SLC30A1: variants seen among roughly 807,000 people sequenced by gnomAD.
SLC30A1 encodes the protein proton-coupled zinc antiporter SLC30A1.
In SLC30A1, 7 loss-of-function variants were observed where a neutral mutation model predicts 29.8. The observed-to-expected ratio is 0.23, with a 90% CI of 0.13 to 0.44. The LOEUF (loss-of-function observed/expected upper bound fraction) is 0.44, where lower values mean the gene tolerates loss of function less well. Among genes scored for constraint, SLC30A1 ranks in the 20% least tolerant of loss-of-function variants. SLC30A1 has a pLI of 1.00. For synonymous variants in SLC30A1, 254 were observed against 253.5 expected, an observed-to-expected ratio of 1.00 and a Z score of -0.02; for missense variants, 446 against 647.9, an observed-to-expected ratio of 0.69 and a Z score of 3.38.
rs1706703030 is a variant in SLC30A1, at chr1:211,575,168, C to G, written c.*220G>C. On this transcript the variant is annotated 3_prime_UTR_variant, in exon 2 of 2. Transcript: ENST00000367001. This position sits in a 1 kb window ranked among gnomAD's most constrained non-coding sequence, Gnocchi z 6.0. ...GTAACATAGTGTTAAAACTGGCTTT[C>G]CAAAACAGTCACAGCATAGCTGTAC... 4.9e-6 allele frequency: 2 copies of G among 405,926 alleles called. No individual in the cohort carries two copies. Among genetic ancestry groups the G allele is most frequent in the Non-Finnish European group, 8.7e-6 (2 of 229,218 alleles). The allele number at this position is 405,926 out of a possible 1,614,324, so 25.1% of individuals were successfully genotyped here.
chr1:211,578,432 C>A lies in SLC30A1; in HGVS notation c.181G>T (p.Ala61Ser). The A allele has an allele frequency of 6.2e-7, 1 of 1,612,228 alleles. No homozygotes were observed. Among genetic ancestry groups the A allele is most frequent in the South Asian group, 1.1e-5 (1 of 90,918 alleles). The change falls in exon 1 of 2, where the codon GCC (alanine) becomes TCC (serine). Residue 61 changes from alanine to serine, a missense_variant. This residue lies in a region of SLC30A1 where 62 missense variants were observed against 91.5 expected (regional missense o/e 0.68). Coordinates refer to ENST00000367001, the MANE Select transcript of SLC30A1 (RefSeq NM_021194.3). ...TTCTGGGTGGCGTGGGTCCGCCGGG[C>A]GAAGCGCTCGGCCACCAGCGCCACC... ...LVVALVAERFARRTHATQKNT... is the reference protein window; with the variant it reads ...LVVALVAERFSRRTHATQKNT...
At chr1:211,576,898 CAAAAGTATTGATCTTTTCA>C (rs1463436439) in intron 1 of SLC30A1, among the ~76,000 whole-genome samples, 6 of 151,970 alleles carry the variant, frequency 3.9e-5, no homozygotes, top group Non-Finnish European at 8.8e-5. Flanking sequence ...ACTTTTAAAT[CAAAAGTATTGATCTTTTCA>C]AAAAGTATTG....
chr1:211,576,695 G>C (rs575656814), intron 1 of SLC30A1, among the ~76,000 whole-genome samples: 4 of 152,026 alleles, frequency 2.6e-5, no homozygotes, highest in African/African-American at 9.7e-5. Context: ...TTTGACACTC[G>C]GGCACTCTCT....
Position 211,572,681 on chromosome 1 carries a change from T to C in SLC30A1, c.*2707A>G, listed in dbSNP as rs1426250518. On this transcript the variant is annotated 3_prime_UTR_variant, in exon 2 of 2. Coordinates refer to ENST00000367001, the MANE Select transcript of SLC30A1 (RefSeq NM_021194.3). The stretch of plus-strand genomic sequence containing the variant: ...CAAAGTTTTTGAGGATTCTGTTTTT[T>C]AGGTTTTAGTCCATAGTTTTACAAT... The C allele has an allele frequency of 2.0e-5, 3 of 152,162 alleles. No individual in the cohort carries two copies. Among genetic ancestry groups the C allele is most frequent in the African/African-American group, 7.2e-5 (3 of 41,470 alleles). 9.4% of individuals were successfully genotyped at this position (152,162 alleles called of 1,614,324 possible).
At position 211,574,070 on chromosome 1, in the gene SLC30A1, A is replaced by G. The variant is rs1298600871; in HGVS notation, c.*1318T>C. On this transcript the variant is annotated 3_prime_UTR_variant, in exon 2 of 2. Transcript: ENST00000367001. ...ATAGAGCTATACATAACTGATGCTA[A>G]TATTAATCCTTTCAAGGACAAAAAT... 6.6e-6 allele frequency: 1 copy of G among 152,512 alleles called. No individual in the cohort carries two copies. The highest frequency in any genetic ancestry group is 1.5e-5 in the Non-Finnish European group (1 of 67,914). 9.4% of individuals were successfully genotyped at this position (152,512 alleles called of 1,614,324 possible). A position where few individuals can be genotyped will look rare whatever the true frequency, so the allele number is the denominator to read the frequency against.
Position 211,575,356 on chromosome 1 carries a change from G to A in SLC30A1, c.*32C>T, listed in dbSNP as rs749534869. 2.6e-6 allele frequency: 4 copies of A among 1,530,482 alleles called. No individual in the cohort carries two copies. Among genetic ancestry groups the A allele is most frequent in the South Asian group, 2.6e-5 (2 of 76,266 alleles). The allele number at this position is 1,530,482 out of a possible 1,614,324, so 94.8% of individuals were successfully genotyped here. On this transcript the variant is annotated 3_prime_UTR_variant, in exon 2 of 2. Coordinates refer to ENST00000367001, the MANE Select transcript of SLC30A1 (RefSeq NM_021194.3). The surrounding 1 kb of genome is among the most constrained non-coding windows in gnomAD (Gnocchi z 6.0). The stretch of plus-strand genomic sequence containing the variant: ...AGTCTTTTTCCTCTTGCAGTTTAAA[G>A]CAAAAGTCAAATATCACATCTTTTT...
In SLC30A1 at chr1:211,577,889, C is replaced by G. The variant is rs1047535812; in HGVS notation, c.622+102G>C. ...AGGCAGGGGCGGCGCGGCGCAGGCC[C>G]GCTCGGGCAGCAGGGGGCGTGCGGG... On this transcript the variant is annotated intron_variant, in intron 1 of 1. Coordinates refer to ENST00000367001, the MANE Select transcript of SLC30A1 (RefSeq NM_021194.3). This position sits in a 1 kb window ranked among gnomAD's most constrained non-coding sequence, Gnocchi z 4.5. The G allele has an allele frequency of 2.3e-5, 35 of 1,492,628 alleles. No individual in the cohort carries two copies. The African/African-American group carries it at 4.1e-4, about 18-fold the overall frequency. 92.5% of individuals were successfully genotyped at this position (1,492,628 alleles called of 1,614,324 possible).
Position 211,578,057 on chromosome 1 carries a change from G to C in SLC30A1, c.556C>G (p.Gln186Glu). Reference sequence around the variant, plus strand: ...GCCACCAGGGTGTTGGTCTCCTCCTGGTCGGGACCCTGCTCGCCCGGGGCC... The same window carrying C: ...GCCACCAGGGTGTTGGTCTCCTCCTCGTCGGGACCCTGCTCGCCCGGGGCC... ...NVAPGEQGPD[Q>E]EETNTLVANT... The change falls in exon 1 of 2, where the codon CAG (glutamine) becomes GAG (glutamate). Residue 186 changes from glutamine to glutamate, a missense_variant. Around this residue, in one of 5 missense-constraint regions of SLC30A1, gnomAD observed 159 missense variants for 161.1 expected, o/e 0.99. Coordinates refer to ENST00000367001, the MANE Select transcript of SLC30A1 (RefSeq NM_021194.3). 6.2e-7 allele frequency: 1 copy of C among 1,613,140 alleles called. No homozygotes were observed. The highest frequency in any genetic ancestry group is 8.5e-7 in the Non-Finnish European group (1 of 1,179,818).
In SLC30A1 at chr1:211,576,126, T is replaced by C; in HGVS notation, c.786A>G (p.Val262=). 6.2e-7 allele frequency: 1 copy of C among 1,614,070 alleles called. No individual in the cohort carries two copies. Among genetic ancestry groups the C allele is most frequent in the Non-Finnish European group, 8.5e-7 (1 of 1,180,006 alleles). The stretch of plus-strand genomic sequence containing the variant: ...AGTAAAAGACTAAGGCATTTACTAC[T>C]ACAATCACTGAACCCAAGGCATCTC... ...VLGDALGSVI[V]VVNALVFYFS... is the part of the protein sequence containing the mutation. Residue 262 remains valine (V), a synonymous_variant, in exon 2 of 2, where the codon GTA becomes GTG. Coordinates refer to ENST00000367001, the MANE Select transcript of SLC30A1 (RefSeq NM_021194.3).
chr1:211,576,941 A>G (rs958465838), intron 1 of SLC30A1, among the ~76,000 whole-genome samples: 1 of 152,212 alleles, frequency 6.6e-6, no homozygotes, highest in Non-Finnish European at 1.5e-5. Context: ...AAAAGTATTC[A>G]AAAAGATAAA....
In SLC30A1 at chr1:211,577,995, G is replaced by T. The variant is rs375160965; in HGVS notation, c.618C>A (p.Pro206=). Reference sequence around the variant, plus strand: ...GCAGCGACTTTCCCGGCTCACCTGCGGGGTCCAATTTCAGCCCGTTGGAGT... The same window carrying T: ...GCAGCGACTTTCCCGGCTCACCTGCTGGGTCCAATTTCAGCCCGTTGGAGT... ...TSNSNGLKLD[P]ADPENPRSGD... Residue 206 remains proline, a synonymous_variant, in exon 1 of 2, where the codon CCC becomes CCA. Transcript: ENST00000367001. The surrounding 1 kb of genome is among the most constrained non-coding windows in gnomAD (Gnocchi z 4.5). 3.7e-6 allele frequency: 6 copies of T among 1,612,796 alleles called. No individual in the cohort carries two copies. Among genetic ancestry groups the T allele is most frequent in the Non-Finnish European group, 4.2e-6 (5 of 1,179,780 alleles).
rs750440568 is a variant in SLC30A1 at position 211,573,292 on chromosome 1, C to A, written c.*2096G>T. The A allele has an allele frequency of 5.3e-5, 8 of 151,974 alleles. No individual in the cohort carries two copies. The highest frequency in any genetic ancestry group is 3.3e-4 in the Admixed American group (5 of 15,270). The allele number at this position is 151,974 out of a possible 1,614,324, so 9.4% of individuals were successfully genotyped here. On this transcript the variant is annotated 3_prime_UTR_variant, in exon 2 of 2. Coordinates refer to ENST00000367001, the MANE Select transcript of SLC30A1 (RefSeq NM_021194.3). ...TTATGAAAAGTGAAATAACTCAAAC[C>A]TAAAGGCTGTTATCTTCAAAGCACT...
chr1:211,576,193 G>C lies in SLC30A1; in HGVS notation c.719C>G (p.Ala240Gly). ...AACTCCACGCATGTTAAGTTGTCCA[G>C]CCCTATCTTCTTCCAGTTCCATATG... The part of the protein sequence containing the change: ...PDHMELEEDR[A>G]GQLNMRGVFL... The change falls in exon 2 of 2, where the codon GCT becomes GGT. Residue 240 changes from alanine to glycine, a missense_variant. By Grantham distance (60) the Ala-to-Gly change is moderately conservative. Transcript: ENST00000367001. 6.2e-7 allele frequency: 1 copy of C among 1,613,580 alleles called. No individual in the cohort carries two copies. The highest frequency in any genetic ancestry group is 8.5e-7 in the Non-Finnish European group (1 of 1,179,894).
At position 211,572,727 on chromosome 1, in the gene SLC30A1, A is replaced by T. The variant is rs1706667861; in HGVS notation, c.*2661T>A. 1 of 152,130 alleles carries T rather than the reference A, an allele frequency of 6.6e-6. No homozygotes were observed. Among genetic ancestry groups the T allele is most frequent in the Non-Finnish European group, 1.5e-5 (1 of 67,960 alleles). 9.4% of individuals were successfully genotyped at this position (152,130 alleles called of 1,614,324 possible). On this transcript the variant is annotated 3_prime_UTR_variant, in exon 2 of 2. Transcript: ENST00000367001. The stretch of plus-strand genomic sequence containing the variant: ...ACAATGCAGACATCCTTCAGAAAAA[A>T]CTAAGCAATCATAAAAGCTAAAAGG...
Position 211,578,088 on chromosome 1 carries a change from G to A in SLC30A1, c.525C>T (p.Ile175=), listed in dbSNP as rs1706744162. 6.2e-7 allele frequency: 1 copy of A among 1,611,892 alleles called. No homozygotes were observed. Among genetic ancestry groups the A allele is most frequent in the Non-Finnish European group, 8.5e-7 (1 of 1,179,396 alleles). The change falls in exon 1 of 2, where the codon ATC becomes ATT. Residue 175 remains isoleucine, a synonymous_variant. Transcript: ENST00000367001. Reference sequence around the variant, plus strand: ...GACCCTGCTCGCCCGGGGCCACGTTGATGTCGCTGCTCCCGGGGCGGGTGC... The same window carrying A: ...GACCCTGCTCGCCCGGGGCCACGTTAATGTCGCTGCTCCCGGGGCGGGTGC... The part of the protein sequence containing the change: ...VKSTRPGSSD[I]NVAPGEQGPD...
rs978619308 is a variant in SLC30A1 at position 211,579,062 on chromosome 1, G to C, written c.-450C>G. 6.6e-6 allele frequency among the ~76,000 whole-genome samples: 1 copy of C among 152,224 alleles called. No homozygotes were observed. Among genetic ancestry groups the C allele is most frequent in the African/African-American group, 2.4e-5 (1 of 41,452 alleles). On this transcript the variant is annotated 5_prime_UTR_variant, in exon 1 of 2. Coordinates refer to ENST00000367001, the MANE Select transcript of SLC30A1 (RefSeq NM_021194.3). The stretch of plus-strand genomic sequence containing the variant: ...GAGCATCTGAGGGCTCTGCTTGCTG[G>C]TCTCCTCTGCGGCGGCTGGACTGAG...
At position 211,577,848 on chromosome 1, in the gene SLC30A1, A is replaced by T. The variant is rs1443001721; in HGVS notation, c.622+143T>A. Reference sequence around the variant, plus strand: ...CCTGGAGCAGCAGCGGGGCGTGTGCAGGACGGGGAGGGAGCAGGCAGGGGC... The same window carrying T: ...CCTGGAGCAGCAGCGGGGCGTGTGCTGGACGGGGAGGGAGCAGGCAGGGGC... On this transcript the variant is annotated intron_variant, in intron 1 of 1. Transcript: ENST00000367001. This position sits in a 1 kb window ranked among gnomAD's most constrained non-coding sequence, Gnocchi z 4.5. 28 of 1,109,876 alleles carry T rather than the reference A, an allele frequency of 2.5e-5. No individual in the cohort carries two copies. The highest frequency in any genetic ancestry group is 3.1e-4 in the Middle Eastern group (1 of 3,250). The allele number at this position is 1,109,876 out of a possible 1,614,324, so 68.8% of individuals were successfully genotyped here. A position where few individuals can be genotyped will look rare whatever the true frequency, so the allele number is the denominator to read the frequency against.
At chr1:211,576,317 A>G (rs754108875) in intron 1 of SLC30A1, 28 bp from the exon 2 acceptor site, 1 of 1,378,258 alleles carries the variant, frequency 7.3e-7, no homozygotes, top group East Asian at 2.3e-5. Flanking sequence ...TTTTATATCA[A>G]ATACATTTAA....
chr1:211,576,792 G>C lies in SLC30A1; in HGVS notation c.623-503C>G, dbSNP rs58823330. Among the ~76,000 whole-genome samples, 1,102 of 152,038 alleles carry C rather than the reference G, an allele frequency of 7.2e-3. 35 individuals are homozygous for C. The East Asian group carries it at 0.11, about 15-fold the overall frequency. ...TTTATTATGAATATAAAAGTTTCTT[G>C]GTAGGGGGGTTTAAAAACTGACAAA... is the stretch of plus-strand genomic sequence containing the variant. On this transcript the variant is annotated intron_variant, in intron 1 of 1. Coordinates refer to ENST00000367001, the MANE Select transcript of SLC30A1 (RefSeq NM_021194.3).
Sources: allele counts gnomAD v4.1 joint callset (sites outside exome capture counted in the v4.1 genomes callset), GRCh38; gene constraint gnomAD v4.1.1; regional missense constraint gnomAD v4.1.1; non-coding constraint Gnocchi (gnomAD v3.1); transcripts MANE v1.5; gene names NCBI Gene and HGNC (gene_info 2026-07-23, HGNC 2026-07-21).